Variants in GPBP1 observed in about 807,000 individuals in gnomAD.
The protein encoded by GPBP1 is GC-rich promoter binding protein 1, also known as vasculin.
In GPBP1, 13 loss-of-function variants were observed where a neutral mutation model predicts 56.5. The observed-to-expected ratio is 0.23, with a 90% CI of 0.15 to 0.37. The LOEUF (loss-of-function observed/expected upper bound fraction) is 0.37, where lower values mean the gene tolerates loss of function less well. Ranked by LOEUF, GPBP1 falls within the 10% of genes least tolerant of loss-of-function variation. The pLI, the probability that GPBP1 is intolerant of heterozygous loss-of-function variation, is 1.00. For synonymous variants in GPBP1, 204 were observed against 188.9 expected (o/e 1.08, Z -0.66); for missense variants, 477 against 572.3 (o/e 0.83, Z 1.70).
At chr5:57,232,842 G>A (rs1008421877) in intron 5 of GPBP1, among the ~76,000 whole-genome samples, 12 of 152,130 alleles carry the variant, frequency 7.9e-5, no homozygotes, top group Non-Finnish European at 1.6e-4. Context: ...ATTTATTTAC[G>A]GCACCAAAGA....
chr5:57,216,552 G>A (rs1263862163), intron 3 of GPBP1, among the ~76,000 whole-genome samples: 2 of 151,980 alleles, frequency 1.3e-5, no homozygotes, highest in Non-Finnish European at 2.9e-5. Flanking sequence ...CCCAAACCCC[G>A]TCTCTACTAA....
At chr5:57,233,722 G>C (rs999993017) in intron 5 of GPBP1, among the ~76,000 whole-genome samples, 1 of 152,126 alleles carries the variant, frequency 6.6e-6, no homozygotes, top group African/African-American at 2.4e-5. Flanking sequence ...GAAGGGGTTG[G>C]TCTTGCTGTC....
intron 3 of GPBP1, among the ~76,000 whole-genome samples, chr5:57,217,592 A>G (rs1480533282): frequency 6.6e-6 from 1 of 152,072 alleles, no homozygotes; most frequent in Non-Finnish European, 1.5e-5. Context: ...AACAAAAAAC[A>G]CAAAAAAACA....
rs1015313134 is a variant in GPBP1, at chr5:57,264,523, T to C, written c.*1771T>C. The C allele has an allele frequency of 1.3e-5, 2 of 152,208 alleles. No homozygotes were observed. The highest frequency in any genetic ancestry group is 2.9e-5 in the Non-Finnish European group (2 of 68,030). The allele number at this position is 152,208 out of a possible 1,614,324, so 9.4% of individuals were successfully genotyped here. A position where few individuals can be genotyped will look rare whatever the true frequency, so the allele number is the denominator to read the frequency against. ...TGTTTTCTACTTTCAGAAAAGATTC[T>C]GTAGTTTTGGTTTTTGGCATCTTTC... is the stretch of plus-strand genomic sequence containing the variant. On this transcript the variant is annotated 3_prime_UTR_variant, in exon 12 of 12. Transcript: ENST00000506184.
intron 3 of GPBP1, 125 bp downstream of exon 3, chr5:57,214,318 G>C (rs1361874199): frequency 1.2e-6 from 1 of 803,828 alleles, no homozygotes; most frequent in Admixed American, 1.9e-5. Flanking sequence ...GGGCGCGGTG[G>C]CTCACCCCTG....
chr5:57,188,185 A>C (rs540516278), intron 2 of GPBP1, among the ~76,000 whole-genome samples: 3 of 151,612 alleles, frequency 2.0e-5, no homozygotes, highest in Non-Finnish European at 4.4e-5. Context: ...TGGAAGTTGC[A>C]GTGAGCTGAG....
chr5:57,176,676 T>C (rs1019664841), intron 2 of GPBP1, among the ~76,000 whole-genome samples: 1 of 152,212 alleles, frequency 6.6e-6, no homozygotes, highest in African/African-American at 2.4e-5. Context: ...GTATGGCCGG[T>C]ATATATTGCC....
chr5:57,225,437 T>C (rs894832176), intron 3 of GPBP1, among the ~76,000 whole-genome samples: 1 of 137,708 alleles, frequency 7.3e-6, no homozygotes, highest in African/African-American at 2.8e-5. Context: ...GAGCTTGCAG[T>C]GAGCCAAGAT....
In GPBP1 at chr5:57,262,574, T is replaced by C; in HGVS notation, c.1264-20T>C. On this transcript the variant is annotated intron_variant, in intron 11 of 11. Transcript: ENST00000506184. ...TAACTCTTGAGGGATAATTTATTTA[T>C]TTTGCTGTTAACATTTTAGTTACAG... 6.4e-7 allele frequency: 1 copy of C among 1,561,588 alleles called. No homozygotes were observed. Among genetic ancestry groups the C allele is most frequent in the African/African-American group, 1.4e-5 (1 of 73,892 alleles).
chr5:57,179,959 GTTAAAA>G (rs1251436731), intron 2 of GPBP1, among the ~76,000 whole-genome samples: 1 of 151,870 alleles, frequency 6.6e-6, no homozygotes, highest in African/African-American at 2.4e-5. Context: ...CTGCTGATAT[GTTAAAA>G]TTGAGGAAGG....
intron 6 of GPBP1, among the ~76,000 whole-genome samples, chr5:57,239,195 G>T (rs1360406658): frequency 6.6e-6 from 1 of 152,150 alleles, no homozygotes; most frequent in African/African-American, 2.4e-5. Context: ...GTAGTACAAC[G>T]TGTTCATGGT....
intron 6 of GPBP1, 141 bp downstream of exon 6, chr5:57,236,173 A>G (rs1193876462): frequency 2.8e-5 from 17 of 602,276 alleles, no homozygotes; most frequent in East Asian, 5.7e-5. Flanking sequence ...CTTAGCTACA[A>G]AAAAGGTAAC....
At chr5:57,216,756 CATTT>C (rs1315369952) in intron 3 of GPBP1, among the ~76,000 whole-genome samples, 1 of 152,110 alleles carries the variant, frequency 6.6e-6, no homozygotes, top group Non-Finnish European at 1.5e-5. Flanking sequence ...AATGAAGAAA[CATTT>C]ATTTAAGAAA....
intron 3 of GPBP1, among the ~76,000 whole-genome samples, chr5:57,228,284 A>G (rs1201651243): frequency 2.6e-5 from 4 of 151,992 alleles, no homozygotes; most frequent in Admixed American, 2.0e-4. Flanking sequence ...GTGAAACCCC[A>G]TCTCTACTGA....
At chr5:57,201,266 AC>A (rs1320647747) in intron 2 of GPBP1, among the ~76,000 whole-genome samples, 3 of 152,182 alleles carry the variant, frequency 2.0e-5, no homozygotes, top group Non-Finnish European at 2.9e-5. Flanking sequence ...ACTGGGACTT[AC>A]AAGTGTGTGC....
At chr5:57,248,088 A>G (rs1044082865) in intron 8 of GPBP1, among the ~76,000 whole-genome samples, 1 of 152,156 alleles carries the variant, frequency 6.6e-6, no homozygotes, top group Admixed American at 6.5e-5. Context: ...CAATTTTCTT[A>G]ATTTGATACT....
At chr5:57,225,386 C>T (rs1448162766) in intron 3 of GPBP1, among the ~76,000 whole-genome samples, 1 of 148,892 alleles carries the variant, frequency 6.7e-6, no homozygotes, top group African/African-American at 2.5e-5. Context: ...CCCAGCTACT[C>T]GGGAGGCTGA....
chr5:57,195,445 T>C (rs944524880), intron 2 of GPBP1, among the ~76,000 whole-genome samples: 3 of 152,182 alleles, frequency 2.0e-5, no homozygotes, highest in African/African-American at 7.2e-5. Flanking sequence ...CCTAGAAATT[T>C]TATTCTTAAC....
chr5:57,246,381 G>C lies in GPBP1; in HGVS notation c.560G>C (p.Gly187Ala), dbSNP rs763256781. Residue 187 changes from glycine to alanine, a missense_variant, in exon 7 of 12, where the codon GGA becomes GCA. This residue lies in a region of GPBP1 where 414 missense variants were observed against 458.2 expected (regional missense o/e 0.90). Transcript: ENST00000506184. Reference protein sequence around the residue: ...KGNTKDLQLSGFPVVGNLPSQ... With the variant: ...KGNTKDLQLSAFPVVGNLPSQ... The stretch of plus-strand genomic sequence containing the variant: ...AATACAAAAGACTTACAGCTATCTG[G>C]ATTCCCAGTAGTAGGAAATCTTCCG... 2.5e-6 allele frequency: 4 copies of C among 1,613,730 alleles called. No individual in the cohort carries two copies. The highest frequency in any genetic ancestry group is 3.4e-6 in the Non-Finnish European group (4 of 1,179,684).
Sources: gnomAD v4.1 joint callset for allele counts (sites outside exome capture counted in the v4.1 genomes callset) on GRCh38, gnomAD v4.1.1 for gene constraint, gnomAD v4.1.1 regional missense constraint, MANE v1.5 for transcripts, NCBI Gene and HGNC (gene_info 2026-07-23, HGNC 2026-07-21) for gene names.